The following DRC11 variants were observed in gnomAD, a reference collection of about 807,000 sequenced individuals.
The protein encoded by DRC11 is dynein regulatory complex subunit 11, also known as IQ and AAA domain-containing protein 1.
chr2:236,321,672 A>G, the DRC11 span, among the ~76,000 whole-genome samples: 2 of 152,200 alleles, frequency 1.3e-5, no homozygotes, highest in East Asian at 3.8e-4. Context: ...TGACACTACC[A>G]AGCTTTCAGA....
At chr2:236,323,979 C>T in the DRC11 span, among the ~76,000 whole-genome samples, 1 of 152,182 alleles carries the variant, frequency 6.6e-6, no homozygotes, top group African/African-American at 2.4e-5. This position sits in a 1 kb window ranked among gnomAD's most constrained non-coding sequence, Gnocchi z 6.4. Context: ...CAGTCATTGG[C>T]CTGATAATTT....
the DRC11 span, among the ~76,000 whole-genome samples, chr2:236,396,910 T>C: frequency 1.2e-4 from 18 of 152,160 alleles, no homozygotes; most frequent in Non-Finnish European, 2.2e-4. Context: ...GAAGCATCCG[T>C]GAACACACAC....
At chr2:236,404,076 G>A in the DRC11 span, among the ~76,000 whole-genome samples, 2 of 149,494 alleles carry the variant, frequency 1.3e-5, no homozygotes, top group South Asian at 4.2e-4. Flanking sequence ...GCCATGACCC[G>A]AGTTCTGATG....
chr2:236,393,084 G>T, the DRC11 span, among the ~76,000 whole-genome samples: 24,844 of 152,072 alleles, frequency 0.16, 2,384 homozygotes, highest in Non-Finnish European at 0.22. This position sits in a 1 kb window ranked among gnomAD's most constrained non-coding sequence, Gnocchi z 4.7. Flanking sequence ...TCCTCGACGT[G>T]GGACTTGGAA....
the DRC11 span, among the ~76,000 whole-genome samples, chr2:236,461,288 G>C: frequency 2.6e-3 from 402 of 152,214 alleles, 4 homozygotes; most frequent in Non-Finnish European, 2.1e-3. The surrounding 1 kb of genome is among the most constrained non-coding windows in gnomAD (Gnocchi z 4.0). Flanking sequence ...TTTCGGATAA[G>C]GGAAATTCAT....
the DRC11 span, among the ~76,000 whole-genome samples, chr2:236,500,996 C>T: frequency 1.3e-5 from 2 of 152,192 alleles, no homozygotes; most frequent in African/African-American, 4.8e-5. The surrounding 1 kb of genome is among the most constrained non-coding windows in gnomAD (Gnocchi z 6.3). Context: ...CCACGCCCAG[C>T]AAGACTGGGT....
chr2:236,433,567 G>A, the DRC11 span, among the ~76,000 whole-genome samples: 773 of 152,264 alleles, frequency 5.1e-3, 4 homozygotes, highest in South Asian at 0.013. Context: ...GCACAACAGC[G>A]ATTGCTTTCT....
At chr2:236,366,455 C>T in the DRC11 span, among the ~76,000 whole-genome samples, 1 of 152,206 alleles carries the variant, frequency 6.6e-6, no homozygotes, top group Non-Finnish European at 1.5e-5. Flanking sequence ...CTTAACTGTG[C>T]ACACAATTCA....
At chr2:236,358,028 GA>G in the DRC11 span, among the ~76,000 whole-genome samples, 1 of 112,482 alleles carries the variant, frequency 8.9e-6, no homozygotes. Flanking sequence ...GATATAATAT[GA>G]ATATATATTT....
At chr2:236,486,008 T>C in the DRC11 span, among the ~76,000 whole-genome samples, 1 of 152,306 alleles carries the variant, frequency 6.6e-6, no homozygotes, top group Middle Eastern at 3.4e-3. The surrounding 1 kb of genome is among the most constrained non-coding windows in gnomAD (Gnocchi z 5.7). Context: ...CTAACCAATA[T>C]GATAGGGCAA....
At chr2:236,399,303 T>C in the DRC11 span, 2 of 925,872 alleles carry the variant, frequency 2.2e-6, no homozygotes, top group South Asian at 1.4e-5. This position sits in a 1 kb window ranked among gnomAD's most constrained non-coding sequence, Gnocchi z 7.0. Context: ...AAATTTAAAA[T>C]AGAGACAGGC....
chr2:236,322,401 A>AT, the DRC11 span, among the ~76,000 whole-genome samples: 2 of 142,914 alleles, frequency 1.4e-5, no homozygotes, highest in African/African-American at 5.5e-5. Context: ...CACCCGGCTA[A>AT]TTCTTTTTTT....
the DRC11 span, chr2:236,465,663 A>G: frequency 1.2e-6 from 2 of 1,613,612 alleles, no homozygotes. This position sits in a 1 kb window ranked among gnomAD's most constrained non-coding sequence, Gnocchi z 6.2. Flanking sequence ...CCACCTTTTC[A>G]GCCTGGATTA....
chr2:236,353,500 G>T, the DRC11 span, among the ~76,000 whole-genome samples: 1 of 152,112 alleles, frequency 6.6e-6, no homozygotes, highest in African/African-American at 2.4e-5. This position sits in a 1 kb window ranked among gnomAD's most constrained non-coding sequence, Gnocchi z 5.0. Context: ...GGCATGCATG[G>T]GTTATGAAGA....
the DRC11 span, among the ~76,000 whole-genome samples, chr2:236,356,460 T>C: frequency 6.6e-6 from 1 of 152,160 alleles, no homozygotes; most frequent in Non-Finnish European, 1.5e-5. Flanking sequence ...GGGTGGGGCA[T>C]GCGGAGCCGA....
the DRC11 span, among the ~76,000 whole-genome samples, chr2:236,340,394 G>A: frequency 6.6e-6 from 1 of 152,216 alleles, no homozygotes; most frequent in Admixed American, 6.5e-5. Context: ...AAAGTGCTGG[G>A]ATTACAAGTG....
At chr2:236,337,997 A>G in the DRC11 span, among the ~76,000 whole-genome samples, 1 of 152,204 alleles carries the variant, frequency 6.6e-6, no homozygotes, top group South Asian at 2.1e-4. This position sits in a 1 kb window ranked among gnomAD's most constrained non-coding sequence, Gnocchi z 4.9. Flanking sequence ...TTGGGTAGAG[A>G]GATATATGCT....
the DRC11 span, among the ~76,000 whole-genome samples, chr2:236,347,508 C>CTA: frequency 0.01 from 1,122 of 107,260 alleles, 108 homozygotes; most frequent in South Asian, 0.038. Flanking sequence ...AAAAACTGTG[C>CTA]TATATATATA....
the DRC11 span, among the ~76,000 whole-genome samples, chr2:236,437,536 G>C: frequency 1.5e-4 from 23 of 151,278 alleles, no homozygotes; most frequent in Admixed American, 1.5e-3. Context: ...CACAATGGTT[G>C]AACTAGTTTA....
Sources: gnomAD v4.1 joint callset for allele counts (sites outside exome capture counted in the v4.1 genomes callset) on GRCh38, gnomAD v4.1.1 for gene constraint, Gnocchi (gnomAD v3.1) non-coding constraint, MANE v1.5 for transcripts, NCBI Gene and HGNC (gene_info 2026-07-23, HGNC 2026-07-21) for gene names.